SYNRG: variants seen among roughly 807,000 people sequenced by gnomAD.
The protein encoded by SYNRG is synergin gamma, also known as AP1 gamma subunit binding protein 1.
A neutral mutation model predicts 130.9 loss-of-function variants in SYNRG; 37 were observed. The ratio of observed to expected loss-of-function variants is 0.28; its 90% CI spans 0.22 to 0.37. SYNRG has a LOEUF of 0.37. SYNRG is among the 10% of genes least tolerant of loss of function. The probability of loss-of-function intolerance (pLI) is 1.00; values close to 1 mark genes in which losing one functional copy is unlikely to be tolerated. For synonymous variants in SYNRG, 539 were observed against 568.1 expected (o/e 0.95, Z 0.73); for missense variants, 1,338 against 1,588.9 (o/e 0.84, Z 2.68).
intron 6 of SYNRG, among the ~76,000 whole-genome samples, chr17:37,583,763 C>T (rs539600458): frequency 1.3e-5 from 2 of 152,276 alleles, no homozygotes; most frequent in African/African-American, 2.4e-5. Flanking sequence ...GGCATGATCT[C>T]GGCTCACTGT....
At chr17:37,551,230 T>C (rs2058684259) in intron 14 of SYNRG, among the ~76,000 whole-genome samples, 1 of 152,214 alleles carries the variant, frequency 6.6e-6, no homozygotes, top group Non-Finnish European at 1.5e-5. Flanking sequence ...TAAAACTACA[T>C]TACTTTGAAT....
chr17:37,539,043 T>C (rs953950134), intron 17 of SYNRG, 149 bp downstream of exon 17: 12 of 1,453,588 alleles, frequency 8.3e-6, no homozygotes, highest in African/African-American at 1.4e-5. Context: ...TCACCTTAGA[T>C]GCATGACTTC....
At position 37,526,985 on chromosome 17, in the gene SYNRG, C is replaced by A. The variant is rs1260638072; in HGVS notation, c.3667-6337G>T. On this transcript the variant is annotated intron_variant, in intron 19 of 21. Coordinates refer to ENST00000612223, the MANE Select transcript of SYNRG (RefSeq NM_007247.6). ...TGCAGAGACATAGTAAAGATCCTGT[C>A]TCTAAAACATTGTGCAGACTGGCAA... Among the ~76,000 whole-genome samples the A allele has an allele frequency of 2.0e-5, 3 of 152,190 alleles. No homozygotes were observed. In the East Asian group the frequency reaches 5.8e-4, roughly 29 times the overall value.
At chr17:37,604,569 AT>A in intron 1 of SYNRG, among the ~76,000 whole-genome samples, 1 of 152,302 alleles carries the variant, frequency 6.6e-6, no homozygotes, top group East Asian at 1.9e-4. Context: ...CTTTTTCAAT[AT>A]CAGCAATAAA....
intron 18 of SYNRG, 125 bp from the exon 19 acceptor site, chr17:37,536,252 T>C: frequency 8.5e-7 from 1 of 1,180,728 alleles, no homozygotes; most frequent in Non-Finnish European, 1.2e-6. Flanking sequence ...GAGGTGTACT[T>C]ACTATTCTTT....
intron 14 of SYNRG, among the ~76,000 whole-genome samples, chr17:37,547,832 T>C (rs186347440): frequency 2.0e-5 from 3 of 152,336 alleles, no homozygotes; most frequent in Admixed American, 6.5e-5. Flanking sequence ...GAACAACAGA[T>C]ACATAGGTAT....
intron 1 of SYNRG, among the ~76,000 whole-genome samples, chr17:37,608,698 A>C (rs1225326249): frequency 4.0e-5 from 6 of 151,828 alleles, no homozygotes; most frequent in Non-Finnish European, 8.8e-5. Flanking sequence ...AGTGTACAAG[A>C]CAAGAACTCT....
chr17:37,515,894 C>A lies in SYNRG; in HGVS notation c.*3046G>T, dbSNP rs190767225. ...GAAGACACCTTTAAACAAATAAGACCCCCCCAAAACCCTTCAAATATGTAT... is the reference window on the plus strand; with the variant it reads ...GAAGACACCTTTAAACAAATAAGACACCCCCAAAACCCTTCAAATATGTAT... On this transcript the variant is annotated 3_prime_UTR_variant, in exon 22 of 22. Coordinates refer to ENST00000612223, the MANE Select transcript of SYNRG (RefSeq NM_007247.6). The A allele has an allele frequency of 1.3e-5, 2 of 152,008 alleles. No individual in the cohort carries two copies. The highest frequency in any genetic ancestry group is 4.8e-5 in the African/African-American group (2 of 41,376). 9.4% of individuals were successfully genotyped at this position (152,008 alleles called of 1,614,324 possible). A position where few individuals can be genotyped will look rare whatever the true frequency, so the allele number is the denominator to read the frequency against.
intron 13 of SYNRG, among the ~76,000 whole-genome samples, chr17:37,556,965 C>G (rs1057462995): frequency 6.6e-6 from 1 of 152,138 alleles, no homozygotes; most frequent in Non-Finnish European, 1.5e-5. Context: ...GAATTGTAAA[C>G]TTTTCCATTG....
At chr17:37,526,628 C>A (rs562371243) in intron 19 of SYNRG, among the ~76,000 whole-genome samples, 1 of 152,304 alleles carries the variant, frequency 6.6e-6, no homozygotes, top group African/African-American at 2.4e-5. Context: ...TGTTTCCTTG[C>A]CTTTTCTAGC....
chr17:37,530,254 C>T (rs1251487780), intron 19 of SYNRG, among the ~76,000 whole-genome samples: 3 of 152,196 alleles, frequency 2.0e-5, no homozygotes, highest in African/African-American at 7.2e-5. Context: ...ACCAGTATCT[C>T]TGTGCTTCAG....
intron 6 of SYNRG, 149 bp downstream of exon 6, chr17:37,584,499 T>A: frequency 1.7e-6 from 1 of 605,756 alleles, no homozygotes; most frequent in Non-Finnish European, 2.9e-6. Flanking sequence ...TAAGCCACTG[T>A]ATATTTGAGA....
intron 19 of SYNRG, among the ~76,000 whole-genome samples, chr17:37,532,303 A>T (rs2056711420): frequency 6.6e-6 from 1 of 152,222 alleles, no homozygotes; most frequent in Non-Finnish European, 1.5e-5. Flanking sequence ...TCCATCCTAC[A>T]GTATGTAGTC....
intron 1 of SYNRG, among the ~76,000 whole-genome samples, chr17:37,603,253 C>T (rs150651935): frequency 3.4e-4 from 51 of 152,104 alleles, no homozygotes; most frequent in African/African-American, 1.2e-3. Flanking sequence ...CCTATAATCC[C>T]AGCACTTTGG....
At chr17:37,550,947 C>T (rs2058666748) in intron 14 of SYNRG, among the ~76,000 whole-genome samples, 2 of 152,100 alleles carry the variant, frequency 1.3e-5, no homozygotes, top group South Asian at 2.1e-4. Context: ...GCAGCAAGGC[C>T]TCAAAGGGTT....
At chr17:37,575,773 G>A (rs2060781663) in intron 8 of SYNRG, among the ~76,000 whole-genome samples, 1 of 150,172 alleles carries the variant, frequency 6.7e-6, no homozygotes, top group South Asian at 2.1e-4. Context: ...GCCTGGGGAG[G>A]TCAAGGCTGC....
rs71135748 is a variant in SYNRG, at chr17:37,580,510, T to TGAGAGAGAGA, written c.590-2907_590-2898dup. ...GTGTGTGTGTGTGTGTGTGTGTGTG[T>TGAGAGAGAGA]GAGAGAGAGAGAGAGAGAGAGAGAG... On this transcript the variant is annotated intron_variant, in intron 6 of 21. Transcript: ENST00000612223. 5.7e-3 allele frequency among the ~76,000 whole-genome samples: 725 copies of TGAGAGAGAGA among 127,700 alleles called. 4 individuals carry two copies. The highest frequency in any genetic ancestry group is 7.5e-3 in the Middle Eastern group (2 of 268). 83.8% of individuals were successfully genotyped at this position (127,700 alleles called of 152,430 possible).
chr17:37,560,221 T>C (rs2059421813), intron 13 of SYNRG, among the ~76,000 whole-genome samples: 1 of 150,916 alleles, frequency 6.6e-6, no homozygotes, highest in Non-Finnish European at 1.5e-5. Context: ...TGCCCTAAAT[T>C]TTAGAAAATA....
At chr17:37,589,160 G>C (rs1201524896) in intron 3 of SYNRG, among the ~76,000 whole-genome samples, 1 of 152,178 alleles carries the variant, frequency 6.6e-6, no homozygotes, top group African/African-American at 2.4e-5. Flanking sequence ...AAGACTAAAA[G>C]AGTAAAAGTG....
Sources: gnomAD v4.1 joint callset for allele counts (sites outside exome capture counted in the v4.1 genomes callset) on GRCh38, gnomAD v4.1.1 for gene constraint, MANE v1.5 for transcripts, NCBI Gene and HGNC (gene_info 2026-07-23, HGNC 2026-07-21) for gene names.